The following TENM4 variants were observed in gnomAD, a reference collection of about 807,000 sequenced individuals.
TENM4 encodes the protein teneurin-4.
Under a neutral mutation model 243.3 loss-of-function variants are expected in TENM4, and 82 were observed. The observed-to-expected ratio is 0.34, with a 90% CI of 0.28 to 0.40. TENM4 has a LOEUF of 0.40. TENM4 is among the 10% of genes least tolerant of loss of function. The pLI, the probability that TENM4 is intolerant of heterozygous loss-of-function variation, is 1.00. For missense variants in TENM4, 3,138 were observed against 3,673.3 expected (o/e 0.85, Z 3.77); for synonymous variants, 1,412 against 1,456.3 (o/e 0.97, Z 0.69).
intron 2 of TENM4, among the ~76,000 whole-genome samples, chr11:79,251,167 A>G (rs1040751084): frequency 3.3e-5 from 5 of 152,206 alleles, no homozygotes; most frequent in Non-Finnish European, 7.3e-5. Flanking sequence ...CGTGGGGGAA[A>G]AAAGATGTAG....
At chr11:79,025,848 C>T (rs535208153) in intron 6 of TENM4, among the ~76,000 whole-genome samples, 2 of 152,132 alleles carry the variant, frequency 1.3e-5, no homozygotes, top group East Asian at 1.9e-4. Context: ...CGATCTCTCT[C>T]GATTACAATG....
Position 79,331,091 on chromosome 11 carries a change from T to C in TENM4, c.-320-33548A>G, listed in dbSNP as rs754381874. Reference sequence around the variant, plus strand: ...GAGGATTTGCTTGCCCTCTTTAGGATGAATGATTCAGAGTTAGAGAACTGT... The same window carrying C: ...GAGGATTTGCTTGCCCTCTTTAGGACGAATGATTCAGAGTTAGAGAACTGT... On this transcript the variant is annotated intron_variant, in intron 1 of 33. Coordinates refer to ENST00000278550, the MANE Select transcript of TENM4 (RefSeq NM_001098816.3). Among the ~76,000 whole-genome samples, 24 of 152,192 alleles carry C rather than the reference T, an allele frequency of 1.6e-4. 1 individual carries two copies. The highest frequency in any genetic ancestry group is 1.2e-3 in the Admixed American group (19 of 15,280).
intron 19 of TENM4, among the ~76,000 whole-genome samples, chr11:78,746,291 C>T (rs1477138517): frequency 6.6e-6 from 1 of 152,256 alleles, no homozygotes; most frequent in East Asian, 1.9e-4. Context: ...CACCTGGGGC[C>T]ATCTAACAGC....
chr11:79,221,767 T>C (rs1359094663), intron 2 of TENM4, among the ~76,000 whole-genome samples: 1 of 152,228 alleles, frequency 6.6e-6, no homozygotes, highest in African/African-American at 2.4e-5. Context: ...TGGTTTTATG[T>C]AATCTTCCTA....
Position 78,711,937 on chromosome 11 carries a change from C to T in TENM4, c.4054+545G>A, listed in dbSNP as rs187584015. 7.0e-4 allele frequency among the ~76,000 whole-genome samples: 106 copies of T among 152,222 alleles called. 1 individual carries two copies. The highest frequency in any genetic ancestry group is 5.0e-3 in the Admixed American group (76 of 15,306). Reference sequence around the variant, plus strand: ...TGTACTTGAATATTTGCTGAATAAGCGAATAACAAATTGTGATTGTGGGCA... The same window carrying T: ...TGTACTTGAATATTTGCTGAATAAGTGAATAACAAATTGTGATTGTGGGCA... On this transcript the variant is annotated intron_variant, in intron 26 of 33. Transcript: ENST00000278550.
chr11:78,981,510 G>A (rs1857794389), intron 6 of TENM4, among the ~76,000 whole-genome samples: 1 of 152,164 alleles, frequency 6.6e-6, no homozygotes, highest in Non-Finnish European at 1.5e-5. Flanking sequence ...TGACTGGCAA[G>A]TTACAAAAGT....
chr11:78,891,263 G>A lies in TENM4; in HGVS notation c.823C>T (p.Arg275Cys), dbSNP rs772165174. 8.4e-6 allele frequency: 13 copies of A among 1,551,584 alleles called. No homozygotes were observed. Among genetic ancestry groups the A allele is most frequent in the East Asian group, 7.3e-5 (3 of 40,920 alleles). ...LIEMDILGAS[R>C]HDGAYSDGHF... Reference sequence around the variant, plus strand: ...CCGTCACTGTAAGCCCCATCATGGCGGGAGGCGCCGAGAATGTCCATCTCA... The same window carrying A: ...CCGTCACTGTAAGCCCCATCATGGCAGGAGGCGCCGAGAATGTCCATCTCA... The change falls in exon 8 of 34, where the codon CGC (arginine) becomes TGC (cysteine). Residue 275 changes from arginine (R) to cysteine (C), a missense_variant. Transcript: ENST00000278550.
chr11:79,018,130 A>T (rs1169634401), intron 6 of TENM4, among the ~76,000 whole-genome samples: 1 of 152,124 alleles, frequency 6.6e-6, no homozygotes, highest in African/African-American at 2.4e-5. Context: ...GCCCAACTGA[A>T]TGCAAGGACC....
At chr11:79,171,858 T>C (rs1323686751) in intron 3 of TENM4, among the ~76,000 whole-genome samples, 1 of 152,214 alleles carries the variant, frequency 6.6e-6, no homozygotes, top group African/African-American at 2.4e-5. Context: ...TCCCCAACAA[T>C]TCTCTAACAA....
At chr11:79,395,302 C>T (rs1164565351) in intron 1 of TENM4, among the ~76,000 whole-genome samples, 1 of 152,212 alleles carries the variant, frequency 6.6e-6, no homozygotes, top group Non-Finnish European at 1.5e-5. Flanking sequence ...CCATCGTTAT[C>T]TAAAATTGAC....
intron 1 of TENM4, among the ~76,000 whole-genome samples, chr11:79,404,911 C>T (rs969879907): frequency 1.3e-5 from 2 of 152,000 alleles, no homozygotes; most frequent in African/African-American, 4.8e-5. Context: ...ACAAAGAGGA[C>T]CAGATGAAGC....
chr11:79,360,900 C>T (rs1410025529), intron 1 of TENM4, among the ~76,000 whole-genome samples: 1 of 152,182 alleles, frequency 6.6e-6, no homozygotes, highest in Admixed American at 6.5e-5. Flanking sequence ...ATGATCTCTT[C>T]CTGCCCTGCC....
intron 12 of TENM4, among the ~76,000 whole-genome samples, chr11:78,847,866 A>G (rs890737099): frequency 1.3e-5 from 2 of 152,190 alleles, no homozygotes; most frequent in Non-Finnish European, 2.9e-5. Flanking sequence ...TACACAAATT[A>G]TGGTATATAA....
At chr11:79,228,366 C>T (rs140374642) in intron 2 of TENM4, among the ~76,000 whole-genome samples, 5 of 152,162 alleles carry the variant, frequency 3.3e-5, no homozygotes, top group Non-Finnish European at 5.9e-5. Context: ...AGACCAATGT[C>T]GCCCACAGGA....
At chr11:79,276,687 G>T (rs1360202696) in intron 2 of TENM4, among the ~76,000 whole-genome samples, 1 of 152,110 alleles carries the variant, frequency 6.6e-6, no homozygotes, top group Non-Finnish European at 1.5e-5. Context: ...TCTACAGCTA[G>T]GTTCCAATGG....
chr11:79,115,611 C>G (rs760482253), intron 4 of TENM4, among the ~76,000 whole-genome samples: 2 of 152,148 alleles, frequency 1.3e-5, no homozygotes, highest in Non-Finnish European at 2.9e-5. Flanking sequence ...ATCCAACTGT[C>G]TTTATTCCTG....
intron 4 of TENM4, among the ~76,000 whole-genome samples, chr11:79,100,708 T>C (rs1861207586): frequency 6.6e-6 from 1 of 152,134 alleles, no homozygotes; most frequent in Admixed American, 6.6e-5. Context: ...AGTTTAGAAG[T>C]CCATATGGTG....
intron 6 of TENM4, among the ~76,000 whole-genome samples, chr11:78,922,861 A>G (rs1856474997): frequency 6.6e-6 from 1 of 152,186 alleles, no homozygotes; most frequent in Admixed American, 6.5e-5. Flanking sequence ...CCAAGGAAGG[A>G]GGTGAGATGT....
chr11:78,704,579 G>C (rs1430048542), intron 27 of TENM4, among the ~76,000 whole-genome samples: 3 of 152,118 alleles, frequency 2.0e-5, no homozygotes, highest in Non-Finnish European at 2.9e-5. Flanking sequence ...TATGTATTAA[G>C]TAGAAAGAAC....
Sources: allele counts gnomAD v4.1 joint callset (sites outside exome capture counted in the v4.1 genomes callset), GRCh38; gene constraint gnomAD v4.1.1; transcripts MANE v1.5; gene names NCBI Gene and HGNC (gene_info 2026-07-23, HGNC 2026-07-21).